Variants in PTCHD4 observed in about 807,000 individuals in gnomAD.
The protein encoded by PTCHD4 is patched domain-containing protein 4.
In PTCHD4, 33 loss-of-function variants were observed where a neutral mutation model predicts 58.1. The ratio of observed to expected loss-of-function variants is 0.57; its 90% CI spans 0.43 to 0.76. PTCHD4 has a LOEUF of 0.76. Ranked by LOEUF, PTCHD4 falls within the 30% of genes least tolerant of loss-of-function variation. The pLI, the probability that PTCHD4 is intolerant of heterozygous loss-of-function variation, is 0.00. For missense variants in PTCHD4, 1,058 were observed against 1,027.1 expected (o/e 1.03, Z -0.41); for synonymous variants, 478 against 409.6 (o/e 1.17, Z -2.02).
At chr6:47,982,523 C>T (rs1767918903) in intron 4 of PTCHD4, among the ~76,000 whole-genome samples, 1 of 137,884 alleles carries the variant, frequency 7.3e-6, no homozygotes, top group African/African-American at 2.7e-5. Flanking sequence ...GAGTCTCGCT[C>T]AGTCGCCCAG....
At chr6:48,062,969 T>C (rs1764681699) in intron 3 of PTCHD4, among the ~76,000 whole-genome samples, 1 of 152,158 alleles carries the variant, frequency 6.6e-6, no homozygotes, top group Admixed American at 6.5e-5. Flanking sequence ...GTCACACAAT[T>C]GATCCTTAAA....
chr6:47,993,286 AATG>A (rs2114040535), intron 4 of PTCHD4, among the ~76,000 whole-genome samples: 1 of 152,270 alleles, frequency 6.6e-6, no homozygotes, highest in South Asian at 2.1e-4. Context: ...CGATTTTACC[AATG>A]ATGATGGTAA....
Position 47,859,737 on chromosome 6 carries a change from A to G in PTCHD4, c.*18566T>C, listed in dbSNP as rs1763378140. Among the ~76,000 whole-genome samples, 1 of 152,024 alleles carries G rather than the reference A, an allele frequency of 6.6e-6. No individual in the cohort carries two copies. Among genetic ancestry groups the G allele is most frequent in the African/African-American group, 2.4e-5 (1 of 41,434 alleles). On this transcript the variant is annotated 3_prime_UTR_variant, in exon 5 of 5. Transcript: ENST00000339488. ...TATGAAAGAAGGGAGGAGATTTACT[A>G]TATTTTCATGAGATTGTCAGGAAAG... is the stretch of plus-strand genomic sequence containing the variant.
rs1340133896 is a variant in PTCHD4 at position 47,871,224 on chromosome 6, A to G, written c.*7079T>C. Among the ~76,000 whole-genome samples the G allele has an allele frequency of 6.6e-6, 1 of 151,626 alleles. No homozygotes were observed. The highest frequency in any genetic ancestry group is 1.9e-4 in the East Asian group (1 of 5,156). ...TGTTTCCGTAAGTGACTTGTGTTTT[A>G]AAAACCCCGATTTAGCAGAAAATAA... On this transcript the variant is annotated 3_prime_UTR_variant, in exon 5 of 5. Transcript: ENST00000339488.
intron 3 of PTCHD4, among the ~76,000 whole-genome samples, chr6:48,060,972 T>G (rs1764606757): frequency 6.6e-6 from 1 of 152,220 alleles, no homozygotes; most frequent in African/African-American, 2.4e-5. Context: ...AAAATGAGAC[T>G]TGATTTCAGT....
At chr6:48,054,987 G>A (rs1490164806) in intron 3 of PTCHD4, among the ~76,000 whole-genome samples, 2 of 152,184 alleles carry the variant, frequency 1.3e-5, no homozygotes, top group African/African-American at 4.8e-5. Flanking sequence ...CAGAAAAGCT[G>A]AGGGACAAAG....
At chr6:47,900,281 A>G (rs1764657091) in intron 4 of PTCHD4, 1 of 152,172 alleles carries the variant, frequency 6.6e-6, no homozygotes, top group Non-Finnish European at 1.5e-5. Context: ...TACCTCATCA[A>G]TACTTGTTAT....
rs139451838 is a variant in PTCHD4 at position 48,036,208 on chromosome 6, C to T, written c.418-27094G>A. ...GTGTATAAGCAGAGAGATACTTAAG[C>T]GAAGAGTTTCAAGAGAAATACAATT... On this transcript the variant is annotated intron_variant, in intron 3 of 4. Coordinates refer to ENST00000339488, the MANE Select transcript of PTCHD4 (RefSeq NM_001384253.1). Among the ~76,000 whole-genome samples the T allele has an allele frequency of 9.6e-4, 146 of 151,882 alleles. 1 individual carries two copies. The highest frequency in any genetic ancestry group is 3.2e-3 in the African/African-American group (133 of 41,424).
At chr6:47,965,291 C>T (rs1288353658) in intron 4 of PTCHD4, among the ~76,000 whole-genome samples, 1 of 152,164 alleles carries the variant, frequency 6.6e-6, no homozygotes, top group Non-Finnish European at 1.5e-5. Context: ...GATAAGTTTT[C>T]ATGACAAAGT....
At chr6:48,027,805 G>A (rs1172611523) in intron 3 of PTCHD4, among the ~76,000 whole-genome samples, 1 of 152,050 alleles carries the variant, frequency 6.6e-6, no homozygotes, top group African/African-American at 2.4e-5. Flanking sequence ...CTCCTAGTAT[G>A]GGAAAGACAA....
intron 3 of PTCHD4, among the ~76,000 whole-genome samples, chr6:48,048,319 C>T (rs976801774): frequency 6.6e-6 from 1 of 151,912 alleles, no homozygotes; most frequent in Non-Finnish European, 1.5e-5. Context: ...CTACTAACTG[C>T]AATTGAGCAG....
chr6:48,098,710 G>A (rs1460475790), intron 1 of PTCHD4, among the ~76,000 whole-genome samples: 11 of 152,194 alleles, frequency 7.2e-5, no homozygotes, highest in African/African-American at 1.4e-4. Flanking sequence ...ATCTATTACC[G>A]CTTAGTGCTT....
At chr6:48,103,090 G>C (rs541266304) in intron 1 of PTCHD4, among the ~76,000 whole-genome samples, 1 of 152,200 alleles carries the variant, frequency 6.6e-6, no homozygotes, top group East Asian at 1.9e-4. Flanking sequence ...CTGTCTGATA[G>C]CTTTGAAGAG....
intron 4 of PTCHD4, among the ~76,000 whole-genome samples, chr6:47,989,418 T>C (rs1255396244): frequency 1.3e-5 from 2 of 152,200 alleles, no homozygotes; most frequent in Non-Finnish European, 2.9e-5. Context: ...CTCCAGGGCA[T>C]GTCAGAGGTC....
intron 4 of PTCHD4, among the ~76,000 whole-genome samples, chr6:47,990,819 A>G (rs542200591): frequency 1.2e-4 from 19 of 152,320 alleles, no homozygotes; most frequent in African/African-American, 4.6e-4. Flanking sequence ...CAACTCCAAG[A>G]AGAACTAAAA....
rs540679532 is a variant in PTCHD4 at position 48,032,346 on chromosome 6, A to T, written c.418-23232T>A. On this transcript the variant is annotated intron_variant, in intron 3 of 4. Coordinates refer to ENST00000339488, the MANE Select transcript of PTCHD4 (RefSeq NM_001384253.1). ...ATTATTTGTAAAGAGTAGCTTGATT[A>T]TTCAAGGCCACATGAGTCAGCAGTA... Among the ~76,000 whole-genome samples, 3 of 152,212 alleles carry T rather than the reference A, an allele frequency of 2.0e-5. No individual in the cohort carries two copies. In the East Asian group the frequency reaches 5.8e-4, roughly 29 times the overall value.
intron 4 of PTCHD4, among the ~76,000 whole-genome samples, chr6:47,950,469 A>G (rs921905832): frequency 2.6e-5 from 4 of 152,154 alleles, no homozygotes; most frequent in African/African-American, 9.7e-5. Flanking sequence ...AAGGTTACAT[A>G]GATATTGGAT....
chr6:47,967,505 G>GA (rs1321618997), intron 4 of PTCHD4, among the ~76,000 whole-genome samples: 2 of 152,176 alleles, frequency 1.3e-5, no homozygotes, highest in Non-Finnish European at 2.9e-5. Context: ...CCCATCCTTT[G>GA]AAGCTTTAAA....
intron 3 of PTCHD4, among the ~76,000 whole-genome samples, chr6:48,025,189 G>A (rs1041391428): frequency 2.0e-5 from 3 of 152,144 alleles, no homozygotes; most frequent in African/African-American, 7.2e-5. Context: ...GTCTGGTACA[G>A]TATTAAGATA....
Sources: allele counts gnomAD v4.1 joint callset (sites outside exome capture counted in the v4.1 genomes callset), GRCh38; gene constraint gnomAD v4.1.1; transcripts MANE v1.5; gene names NCBI Gene and HGNC (gene_info 2026-07-23, HGNC 2026-07-21).